HSD17B4: variants seen among roughly 807,000 people sequenced by gnomAD.
HSD17B4 encodes the protein peroxisomal multifunctional enzyme type 2.
HSD17B4 carries 70 observed loss-of-function variants against 101.0 expected under a neutral mutation model. The observed-to-expected ratio is 0.69, with a 90% CI of 0.57 to 0.85. HSD17B4 has a LOEUF of 0.85. Among genes scored for constraint, HSD17B4 ranks in the 40% least tolerant of loss-of-function variants. HSD17B4 has a pLI of 0.00. For synonymous variants in HSD17B4, 347 were observed against 297.1 expected (o/e 1.17, Z -1.73); for missense variants, 984 against 892.4 (o/e 1.10, Z -1.31).
At chr5:119,492,805 C>A (rs938592056) in intron 10 of HSD17B4, 8 of 151,946 alleles carry the variant, frequency 5.3e-5, no homozygotes, top group African/African-American at 1.9e-4. Context: ...CTTGTGAACT[C>A]CAAATTTGAG....
chr5:119,479,243 C>G (rs545642848), intron 8 of HSD17B4, among the ~76,000 whole-genome samples: 1 of 151,922 alleles, frequency 6.6e-6, no homozygotes, highest in Non-Finnish European at 1.5e-5. Context: ...AACTTTCATT[C>G]TTTTTCTCTG....
At chr5:119,508,250 G>A (rs1034775832) in intron 15 of HSD17B4, among the ~76,000 whole-genome samples, 3 of 149,816 alleles carry the variant, frequency 2.0e-5, no homozygotes, top group Middle Eastern at 3.2e-3. Flanking sequence ...AAGTCCTGCC[G>A]AAACCTTTCT....
At chr5:119,457,264 G>T (rs369613428) in intron 2 of HSD17B4, among the ~76,000 whole-genome samples, 1 of 152,192 alleles carries the variant, frequency 6.6e-6, no homozygotes, top group Non-Finnish European at 1.5e-5. Context: ...ATAAAACTGT[G>T]GGCCCACAAT....
chr5:119,459,869 A>G (rs1755039500), intron 2 of HSD17B4, among the ~76,000 whole-genome samples: 1 of 147,754 alleles, frequency 6.8e-6, no homozygotes, highest in South Asian at 2.1e-4. Flanking sequence ...AAGGCCCCAC[A>G]TCTCTTTTTT....
chr5:119,509,162 A>C lies in HSD17B4; in HGVS notation c.1355A>C (p.Glu452Ala). 1 of 1,592,010 alleles carries C rather than the reference A, an allele frequency of 6.3e-7. No homozygotes were observed. Among genetic ancestry groups the C allele is most frequent in the Non-Finnish European group, 8.6e-7 (1 of 1,160,104 alleles). Reference protein sequence around the residue: ...IMDVYSYSEKELICHNQFSLF... With the variant: ...IMDVYSYSEKALICHNQFSLF... ...TCAGTCTATTCTTATTCTGAGAAGGAACTTATATGCCACAATCAGTTCTCT... is the reference window on the plus strand; with the variant it reads ...TCAGTCTATTCTTATTCTGAGAAGGCACTTATATGCCACAATCAGTTCTCT... Residue 452 changes from glutamate (E) to alanine (A), a missense_variant, in exon 16 of 24, where the codon GAA becomes GCA. Physicochemically the swap from Glu to Ala is moderately radical, Grantham distance 107. Coordinates refer to ENST00000510025, the MANE Select transcript of HSD17B4 (RefSeq NM_000414.4).
intron 8 of HSD17B4, among the ~76,000 whole-genome samples, chr5:119,485,586 G>A (rs1749547186): frequency 6.6e-6 from 1 of 151,622 alleles, no homozygotes; most frequent in African/African-American, 2.4e-5. Context: ...AATTTATTTT[G>A]ATCTGAAGCT....
chr5:119,452,797 C>A (rs750657035), intron 1 of HSD17B4, 164 bp downstream of exon 1: 2 of 1,542,322 alleles, frequency 1.3e-6, no homozygotes, highest in South Asian at 2.4e-5. Context: ...AGGAAAGAGC[C>A]GGAAACACCT....
At chr5:119,492,774 C>T (rs989557113) in intron 10 of HSD17B4, 1 of 152,026 alleles carries the variant, frequency 6.6e-6, no homozygotes, top group African/African-American at 2.4e-5. Context: ...CTTCAACCCT[C>T]TCCTACCCCA....
chr5:119,534,687 C>G (rs1250962488), intron 22 of HSD17B4, among the ~76,000 whole-genome samples: 1 of 151,986 alleles, frequency 6.6e-6, no homozygotes, highest in African/African-American at 2.4e-5. Context: ...AAATGAGTGT[C>G]TCATGCATTT....
At chr5:119,461,566 G>A (rs903780374) in intron 2 of HSD17B4, among the ~76,000 whole-genome samples, 1 of 151,924 alleles carries the variant, frequency 6.6e-6, no homozygotes, top group Non-Finnish European at 1.5e-5. Context: ...ACTTTTTATC[G>A]GATCTAAGTG....
chr5:119,492,299 T>A (rs1401565788), intron 10 of HSD17B4, 175 bp downstream of exon 10: 3 of 653,958 alleles, frequency 4.6e-6, no homozygotes. Context: ...GTGATTGTCC[T>A]ATAGGTCTGT....
intron 17 of HSD17B4, among the ~76,000 whole-genome samples, chr5:119,516,965 G>T (rs1429837108): frequency 6.6e-6 from 1 of 152,258 alleles, no homozygotes; most frequent in Admixed American, 6.5e-5. Flanking sequence ...GCCCTCGCTC[G>T]CTCTCGGCGC....
chr5:119,494,333 C>CT (rs1182307857), intron 11 of HSD17B4, among the ~76,000 whole-genome samples: 3 of 116,578 alleles, frequency 2.6e-5, no homozygotes, highest in African/African-American at 1.1e-4. Flanking sequence ...TCTTTTCTTT[C>CT]TTTCTTTCTT....
At chr5:119,475,682 A>G (rs750147267) in intron 4 of HSD17B4, 24 bp from the exon 5 acceptor site, 8 of 1,571,746 alleles carry the variant, frequency 5.1e-6, no homozygotes, top group Middle Eastern at 2.3e-4. Context: ...TTTTAGATGT[A>G]ACTTGTATCT....
chr5:119,527,046 T>G (rs1213266659), intron 19 of HSD17B4, 87 bp from the exon 20 acceptor site: 1 of 758,598 alleles, frequency 1.3e-6, no homozygotes, highest in Non-Finnish European at 2.4e-6. Context: ...TCTTTTGTGC[T>G]CTCTAGTTTC....
In HSD17B4 at chr5:119,499,403, G is replaced by T; in HGVS notation, c.1059G>T (p.Ala353=). 6.2e-7 allele frequency: 1 copy of T among 1,613,368 alleles called. No individual in the cohort carries two copies. The highest frequency in any genetic ancestry group is 8.5e-7 in the Non-Finnish European group (1 of 1,179,564). ...EAIMYALGVG[A]SIKDPKDLKF... is the part of the protein sequence containing the mutation. ...TTATGTATGCCCTTGGAGTGGGAGC[G>T]TCAATCAAGGATCCAAAAGATTTGA... is the stretch of plus-strand genomic sequence containing the variant. Residue 353 remains alanine, a synonymous_variant, in exon 13 of 24, where the codon GCG becomes GCT. Transcript: ENST00000510025.
At chr5:119,518,572 G>A (rs940657805) in intron 17 of HSD17B4, among the ~76,000 whole-genome samples, 4 of 152,164 alleles carry the variant, frequency 2.6e-5, no homozygotes, top group African/African-American at 9.7e-5. Context: ...TGTAAGAGAG[G>A]AGAAGAGCAT....
rs1263442884 is a variant in HSD17B4 at position 119,514,983 on chromosome 5, A to C, written c.1440A>C (p.Val480=). 5 of 1,520,556 alleles carry C rather than the reference A, an allele frequency of 3.3e-6. No homozygotes were observed. In the Admixed American group the frequency reaches 6.7e-5, roughly 20 times the overall value. 94.2% of individuals were successfully genotyped at this position (1,520,556 alleles called of 1,614,324 possible). Residue 480 remains valine (V), a splice_region_variant and synonymous_variant, in exon 17 of 24, where the codon GTA becomes GTC. Coordinates refer to ENST00000510025, the MANE Select transcript of HSD17B4 (RefSeq NM_000414.4). Reference sequence around the variant, plus strand: ...AACATGTAATGTCTTAATTTTAGGTAGCTGTAGCCATACCTAATAGACCTC... The same window carrying C: ...AACATGTAATGTCTTAATTTTAGGTCGCTGTAGCCATACCTAATAGACCTC... ...GGKRTSDKVK[V]AVAIPNRPPD... is the part of the protein sequence containing the mutation.
rs76532348 is a variant in HSD17B4, at chr5:119,495,539, C to G, written c.869-1004C>G. 3.6e-3 allele frequency among the ~76,000 whole-genome samples: 542 copies of G among 152,238 alleles called. 3 individuals carry two copies. The highest frequency in any genetic ancestry group is 0.012 in the African/African-American group (502 of 41,536). On this transcript the variant is annotated intron_variant, in intron 11 of 23. Coordinates refer to ENST00000510025, the MANE Select transcript of HSD17B4 (RefSeq NM_000414.4). ...ATTTCTGGAAGGAGGTGGCTTTCAA[C>G]TAAATAGTCTTCCCTCTAGATAGCA...
Sources: allele counts gnomAD v4.1 joint callset (sites outside exome capture counted in the v4.1 genomes callset), GRCh38; gene constraint gnomAD v4.1.1; transcripts MANE v1.5; gene names NCBI Gene and HGNC (gene_info 2026-07-23, HGNC 2026-07-21).